The following GRIN2B variants were observed in gnomAD, a reference collection of about 807,000 sequenced individuals.
The protein encoded by GRIN2B is glutamate receptor ionotropic, NMDA 2B.
GRIN2B carries 5 observed loss-of-function variants against 114.5 expected under a neutral mutation model. That is an observed-to-expected ratio of 0.04 (90% CI 0.02 to 0.09). The LOEUF is 0.09. Ranked by LOEUF, GRIN2B falls within the 10% of genes least tolerant of loss-of-function variation. The pLI, the probability that GRIN2B is intolerant of heterozygous loss-of-function variation, is 1.00. For missense variants in GRIN2B, 1,108 were observed against 1,943.5 expected (o/e 0.57, Z 8.08); for synonymous variants, 787 against 745.1 (o/e 1.06, Z -0.92).
chr12:13,676,154 A>G (rs1166612275), intron 4 of GRIN2B, among the ~76,000 whole-genome samples: 1 of 152,068 alleles, frequency 6.6e-6, no homozygotes. Context: ...ACACATAGAC[A>G]CAGGGAGGGG....
At chr12:13,719,523 C>G (rs1028038648) in intron 4 of GRIN2B, among the ~76,000 whole-genome samples, 1 of 152,004 alleles carries the variant, frequency 6.6e-6, no homozygotes, top group Non-Finnish European at 1.5e-5. Context: ...GGTGGTAACA[C>G]TGATTACCAC....
chr12:13,713,236 C>T (rs545894850), intron 4 of GRIN2B, among the ~76,000 whole-genome samples: 1 of 151,918 alleles, frequency 6.6e-6, no homozygotes, highest in African/African-American at 2.4e-5. Flanking sequence ...ACTCTTGGTC[C>T]ACTTGATGCT....
chr12:13,939,441 G>T (rs1867193974), intron 2 of GRIN2B, among the ~76,000 whole-genome samples: 1 of 150,592 alleles, frequency 6.6e-6, no homozygotes, highest in Non-Finnish European at 1.5e-5. Flanking sequence ...CCTCTCCCTT[G>T]CTCCTTCTGT....
chr12:13,642,228 G>A (rs893347875), intron 5 of GRIN2B, among the ~76,000 whole-genome samples: 1 of 141,196 alleles, frequency 7.1e-6, no homozygotes, highest in Admixed American at 6.9e-5. Flanking sequence ...AAACAAGCTA[G>A]CTAACTAAAC....
chr12:13,659,810 A>G (rs369469824), intron 5 of GRIN2B, among the ~76,000 whole-genome samples: 14 of 152,276 alleles, frequency 9.2e-5, no homozygotes, highest in African/African-American at 3.4e-4. Flanking sequence ...CCAGATATGT[A>G]ATTTCTTTTT....
chr12:13,715,306 T>C (rs1290306751), intron 4 of GRIN2B, among the ~76,000 whole-genome samples: 1 of 151,926 alleles, frequency 6.6e-6, no homozygotes, highest in Non-Finnish European at 1.5e-5. Context: ...TGGCAGAAAG[T>C]GAATTCCAGG....
chr12:13,788,143 G>A (rs539113908), intron 3 of GRIN2B, among the ~76,000 whole-genome samples: 50 of 152,200 alleles, frequency 3.3e-4, no homozygotes, highest in African/African-American at 1.2e-3. Flanking sequence ...GGCTCAAGTG[G>A]GAGAGGTCTA....
rs1236980455 is a variant in GRIN2B, at chr12:13,642,291, G to T, written c.1126-25634C>A. ...CCAACTCATTATTTTGATTATGAAA[G>T]TCAGTACCTATTTTCACCATTCTTC... is the stretch of plus-strand genomic sequence containing the variant. On this transcript the variant is annotated intron_variant, in intron 5 of 13. Transcript: ENST00000609686. Among the ~76,000 whole-genome samples the T allele has an allele frequency of 2.0e-5, 3 of 152,154 alleles. No homozygotes were observed. In the East Asian group the frequency reaches 5.8e-4, roughly 29 times the overall value.
At chr12:13,664,456 A>G (rs999838967) in intron 5 of GRIN2B, among the ~76,000 whole-genome samples, 1 of 152,202 alleles carries the variant, frequency 6.6e-6, no homozygotes, top group African/African-American at 2.4e-5. Flanking sequence ...TATGTATCAA[A>G]AAATTCGTAT....
chr12:13,743,583 TGAAA>T (rs912882413), intron 4 of GRIN2B, among the ~76,000 whole-genome samples: 1 of 152,096 alleles, frequency 6.6e-6, no homozygotes, highest in African/African-American at 2.4e-5. Context: ...CAAAAGTGCC[TGAAA>T]GATTTTTTTT....
At chr12:13,842,076 C>T (rs1251975063) in intron 3 of GRIN2B, among the ~76,000 whole-genome samples, 2 of 152,120 alleles carry the variant, frequency 1.3e-5, no homozygotes, top group Non-Finnish European at 2.9e-5. Flanking sequence ...AGACTGGTTC[C>T]CTCTTGGCCA....
chr12:13,862,661 T>TA (rs929431993), intron 3 of GRIN2B, among the ~76,000 whole-genome samples: 27 of 151,830 alleles, frequency 1.8e-4, no homozygotes, highest in Non-Finnish European at 3.4e-4. Context: ...AAACTTCTAT[T>TA]AAAAAAACAA....
intron 4 of GRIN2B, among the ~76,000 whole-genome samples, chr12:13,751,715 A>T (rs1477595035): frequency 1.3e-5 from 2 of 152,216 alleles, no homozygotes; most frequent in East Asian, 1.9e-4. Context: ...CCAAAGAAAC[A>T]TATCTGGCCA....
At chr12:13,595,021 A>G (rs1949054875) in intron 10 of GRIN2B, among the ~76,000 whole-genome samples, 1 of 152,198 alleles carries the variant, frequency 6.6e-6, no homozygotes, top group South Asian at 2.1e-4. Flanking sequence ...AATTGTGTTA[A>G]AAGCCCCTTT....
chr12:13,565,805 G>T (rs1222393683), intron 13 of GRIN2B, among the ~76,000 whole-genome samples: 1 of 152,186 alleles, frequency 6.6e-6, no homozygotes, highest in Non-Finnish European at 1.5e-5. Flanking sequence ...TTTAGACAAG[G>T]TAAGTCTCAT....
intron 2 of GRIN2B, among the ~76,000 whole-genome samples, chr12:13,902,662 T>G (rs535234688): frequency 6.6e-6 from 1 of 151,978 alleles, no homozygotes; most frequent in Non-Finnish European, 1.5e-5. Context: ...AATACAAAAA[T>G]TAGCCAGGTG....
rs560450208 is a variant in GRIN2B, at chr12:13,700,345, T to C, written c.1011-24486A>G. On this transcript the variant is annotated intron_variant, in intron 4 of 13. Transcript: ENST00000609686. ...ATAACGAAAAACCAACTTGAGGTGA[T>C]TGACAAATCTTTTTAATAGATATTT... is the stretch of plus-strand genomic sequence containing the variant. Among the ~76,000 whole-genome samples, 11 of 152,324 alleles carry C rather than the reference T, an allele frequency of 7.2e-5. No individual in the cohort carries two copies. The South Asian group carries it at 1.9e-3, about 26-fold the overall frequency.
intron 2 of GRIN2B, among the ~76,000 whole-genome samples, chr12:13,977,180 C>T (rs1863035914): frequency 6.6e-6 from 1 of 152,132 alleles, no homozygotes; most frequent in African/African-American, 2.4e-5. Context: ...GTCATTTCAC[C>T]TTCTTATTGA....
At chr12:13,805,207 A>G (rs1864580202) in intron 3 of GRIN2B, among the ~76,000 whole-genome samples, 1 of 152,170 alleles carries the variant, frequency 6.6e-6, no homozygotes, top group Non-Finnish European at 1.5e-5. Flanking sequence ...AAGAAACCAA[A>G]GCGCAGAAAG....
Sources: gnomAD v4.1 joint callset for allele counts (sites outside exome capture counted in the v4.1 genomes callset) on GRCh38, gnomAD v4.1.1 for gene constraint, MANE v1.5 for transcripts, NCBI Gene and HGNC (gene_info 2026-07-23, HGNC 2026-07-21) for gene names.